Variants in SIPA1L3 observed in about 807,000 individuals in gnomAD.
SIPA1L3 encodes signal induced proliferation associated 1 like 3, also known as signal-induced proliferation-associated 1-like protein 3.
Under a neutral mutation model 150.1 loss-of-function variants are expected in SIPA1L3, and 59 were observed. The ratio of observed to expected loss-of-function variants is 0.39; its 90% confidence interval spans 0.32 to 0.49. The LOEUF (loss-of-function observed/expected upper bound fraction) is 0.49. Among genes scored for constraint, SIPA1L3 ranks in the 20% least tolerant of loss-of-function variants. The probability of loss-of-function intolerance (pLI) is 0.86; values close to 1 mark genes in which losing one functional copy is unlikely to be tolerated. For missense variants in SIPA1L3, 2,211 were observed against 2,489.5 expected (o/e 0.89, Z 2.38); for synonymous variants, 1,070 against 1,077.6 (o/e 0.99, Z 0.14).
chr19:37,979,012 C>A (rs965414879), intron 1 of SIPA1L3, among the ~76,000 whole-genome samples: 1 of 151,950 alleles, frequency 6.6e-6, no homozygotes, highest in Non-Finnish European at 1.5e-5. Flanking sequence ...CCTTCCACAC[C>A]CAAACCCTTC....
Position 38,083,013 on chromosome 19 carries a change from A to AGCG in SIPA1L3, c.1450_1452dup (p.Arg484dup). 1 of 1,613,298 alleles carries AGCG rather than the reference A, an allele frequency of 6.2e-7. No homozygotes were observed. Among genetic ancestry groups the AGCG allele is most frequent in the Non-Finnish European group, 8.5e-7 (1 of 1,179,990 alleles). ...GTGTTGGAAGTTCCCAAGGAGCAGC[A>AGCG]GCGGACGCAGAGTCGGCCCCGGCAG... On this transcript the variant is annotated inframe_insertion, in exon 3 of 22. Transcript: ENST00000222345.
In SIPA1L3 at chr19:38,082,522, G is replaced by A. The variant is rs754744169; in HGVS notation, c.957G>A (p.Gly319=). The A allele has an allele frequency of 1.3e-6, 2 of 1,598,408 alleles. No individual in the cohort carries two copies. The highest frequency in any genetic ancestry group is 1.7e-6 in the Non-Finnish European group (2 of 1,172,434). The part of the protein sequence containing the change: ...KPEGEAGRSP[G]EADEGRSPPE... ...AGGGGGAGGCTGGGCGTTCCCCGGG[G>A]GAGGCCGACGAGGGCCGGAGCCCCC... is the stretch of plus-strand genomic sequence containing the variant. The change falls in exon 3 of 22, where the codon GGG becomes GGA. Residue 319 remains glycine (G), a synonymous_variant. Coordinates refer to ENST00000222345, the MANE Select transcript of SIPA1L3 (RefSeq NM_015073.3).
At chr19:37,995,583 G>A (rs966676859) in intron 1 of SIPA1L3, among the ~76,000 whole-genome samples, 7 of 152,200 alleles carry the variant, frequency 4.6e-5, no homozygotes, top group African/African-American at 1.7e-4. Flanking sequence ...TGTGAAGAGG[G>A]GTGGTTGGGC....
chr19:37,943,636 T>G (rs1599823255), intron 1 of SIPA1L3, among the ~76,000 whole-genome samples: 1 of 152,314 alleles, frequency 6.6e-6, no homozygotes, highest in Non-Finnish European at 1.5e-5. Context: ...CTGAGCCTGC[T>G]TAACTGATTG....
At chr19:38,172,940 T>C (rs1338212980) in intron 15 of SIPA1L3, among the ~76,000 whole-genome samples, 1 of 151,942 alleles carries the variant, frequency 6.6e-6, no homozygotes, top group Admixed American at 6.6e-5. Flanking sequence ...CAAAACCCCA[T>C]GTCTACAAAA....
intron 1 of SIPA1L3, among the ~76,000 whole-genome samples, chr19:37,983,065 G>A (rs1036865758): frequency 4.6e-5 from 7 of 152,220 alleles, no homozygotes; most frequent in Non-Finnish European, 8.8e-5. Context: ...AAAATGTTGG[G>A]AGGGCAGGGG....
At chr19:37,956,920 A>G (rs996216377) in intron 1 of SIPA1L3, among the ~76,000 whole-genome samples, 27 of 152,194 alleles carry the variant, frequency 1.8e-4, no homozygotes, top group African/African-American at 6.5e-4. Flanking sequence ...TAGAAGTTGC[A>G]TACTTTTAAC....
At chr19:38,093,090 A>T (rs1970297527) in intron 4 of SIPA1L3, among the ~76,000 whole-genome samples, 1 of 151,856 alleles carries the variant, frequency 6.6e-6, no homozygotes, top group South Asian at 2.1e-4. Context: ...CAATCTCCTG[A>T]CCTGGTGATC....
At chr19:37,962,465 T>TTTTTTTTTC (rs2145576000) in intron 1 of SIPA1L3, among the ~76,000 whole-genome samples, 1 of 77,068 alleles carries the variant, frequency 1.3e-5, no homozygotes, top group African/African-American at 9.2e-5. Flanking sequence ...CAGCCGGCCT[T>TTTTTTTTTC]TTTTTTTTTT....
chr19:38,153,311 G>T (rs332849), intron 13 of SIPA1L3, among the ~76,000 whole-genome samples: 2 of 152,040 alleles, frequency 1.3e-5, no homozygotes, highest in Non-Finnish European at 2.9e-5. Context: ...GCTGCGTCCC[G>T]TGGCTTTTCA....
intron 21 of SIPA1L3, among the ~76,000 whole-genome samples, chr19:38,205,329 A>G (rs1973184968): frequency 6.6e-6 from 1 of 151,872 alleles, no homozygotes; most frequent in African/African-American, 2.4e-5. Context: ...GTGGTGGTGC[A>G]CGCCTGTAAT....
intron 13 of SIPA1L3, among the ~76,000 whole-genome samples, chr19:38,153,306 G>A (rs978293093): frequency 9.9e-5 from 15 of 152,192 alleles, no homozygotes; most frequent in African/African-American, 2.9e-4. Flanking sequence ...GACTGGCTGC[G>A]TCCCGTGGCT....
intron 9 of SIPA1L3, among the ~76,000 whole-genome samples, chr19:38,129,043 G>T (rs777110682): frequency 1.3e-5 from 2 of 152,116 alleles, no homozygotes; most frequent in Admixed American, 6.6e-5. Context: ...TTTCCATAAC[G>T]CAGTTTTAGG....
rs1247207024 is a variant in SIPA1L3 at position 38,100,108 on chromosome 19, C to G, written c.1812C>G (p.Thr604=). The G allele has an allele frequency of 5.6e-6, 9 of 1,602,784 alleles. No individual in the cohort carries two copies. The highest frequency in any genetic ancestry group is 2.7e-5 in the African/African-American group (2 of 74,154). Residue 604 remains threonine (T), a synonymous_variant, in exon 5 of 22, where the codon ACC becomes ACG. Transcript: ENST00000222345. ...ACTGCCTGCGGCTGGCCCTCAACAC[C>G]CCCAAGGTGACGGAGCAACTGCTGA... The part of the protein sequence containing the change: ...NIHCLRLALN[T]PKVTEQLLKL...
At chr19:38,189,983 G>A (rs1972770635) in intron 16 of SIPA1L3, among the ~76,000 whole-genome samples, 1 of 152,156 alleles carries the variant, frequency 6.6e-6, no homozygotes, top group South Asian at 2.1e-4. Flanking sequence ...TCTGGGTGGT[G>A]GGCCTGGCCC....
chr19:38,130,249 T>C (rs763555221), intron 9 of SIPA1L3, among the ~76,000 whole-genome samples: 2 of 152,200 alleles, frequency 1.3e-5, no homozygotes, highest in African/African-American at 2.4e-5. Context: ...CCACAGCTCA[T>C]GACTGCCATG....
chr19:38,029,309 G>T (rs921154416), intron 2 of SIPA1L3, among the ~76,000 whole-genome samples, 153 bp downstream of exon 2: 1 of 152,140 alleles, frequency 6.6e-6, no homozygotes, highest in African/African-American at 2.4e-5. Context: ...TACCCCAGAG[G>T]TAATTACTGT....
At chr19:38,155,961 A>G (rs1382105999) in intron 13 of SIPA1L3, among the ~76,000 whole-genome samples, 2 of 152,266 alleles carry the variant, frequency 1.3e-5, no homozygotes, top group East Asian at 3.9e-4. Flanking sequence ...CATGCCTATA[A>G]TCCCAGCTAC....
intron 18 of SIPA1L3, among the ~76,000 whole-genome samples, chr19:38,197,017 T>C (rs1246738275): frequency 6.6e-6 from 1 of 152,158 alleles, no homozygotes; most frequent in African/African-American, 2.4e-5. Flanking sequence ...GTATACCTCA[T>C]ATGTAGTCAG....
Sources: allele counts gnomAD v4.1 joint callset (sites outside exome capture counted in the v4.1 genomes callset), GRCh38; gene constraint gnomAD v4.1.1; transcripts MANE v1.5; gene names NCBI Gene and HGNC (gene_info 2026-07-23, HGNC 2026-07-21).